TBC1D32: variants seen among roughly 807,000 people sequenced by gnomAD.
TBC1D32 encodes the protein protein broad-minded.
Under a neutral mutation model 170.3 loss-of-function variants are expected in TBC1D32, and 151 were observed. The ratio of observed to expected loss-of-function variants is 0.89; its 90% CI spans 0.78 to 1.01. TBC1D32 has a LOEUF of 1.01. Among genes scored for constraint, TBC1D32 ranks in the 50% least tolerant of loss-of-function variants. TBC1D32 has a pLI of 0.00. For synonymous variants in TBC1D32, 498 were observed against 488.0 expected, an observed-to-expected ratio of 1.02 and a Z score of -0.27; for missense variants, 1,464 against 1,457.1, an observed-to-expected ratio of 1.00 and a Z score of -0.08.
chr6:121,102,391 A>G (rs1388595043), intron 30 of TBC1D32, among the ~76,000 whole-genome samples: 1 of 152,142 alleles, frequency 6.6e-6, no homozygotes, highest in Non-Finnish European at 1.5e-5. Context: ...CAAAACAGAG[A>G]CACAGACCAA....
At chr6:121,186,864 G>A (rs891697995) in intron 22 of TBC1D32, among the ~76,000 whole-genome samples, 4 of 151,986 alleles carry the variant, frequency 2.6e-5, no homozygotes, top group African/African-American at 9.7e-5. Context: ...CTGAAAGAAT[G>A]TTACTGCTAT....
intron 15 of TBC1D32, among the ~76,000 whole-genome samples, chr6:121,271,124 G>A (rs1334917628): frequency 1.3e-5 from 2 of 152,086 alleles, no homozygotes; most frequent in African/African-American, 4.8e-5. Context: ...AAAATAATAA[G>A]AGCTATTTAT....
chr6:121,281,544 C>T lies in TBC1D32; in HGVS notation c.1608G>A (p.Glu536=). ...QPIHNLMKGN[E]ASPNCSETAL... is the part of the protein sequence containing the mutation. ...TTTCTCCTTAGTAAATAATACGAAC[C>T]TCATTTCCTTTCATTAAATTGTGAA... is the stretch of plus-strand genomic sequence containing the variant. The change falls in exon 14 of 32, where the codon GAG becomes GAA. Residue 536 remains glutamate, a splice_region_variant and synonymous_variant. Coordinates refer to ENST00000398212, the MANE Select transcript of TBC1D32 (RefSeq NM_152730.6). 1 of 1,603,306 alleles carries T rather than the reference C, an allele frequency of 6.2e-7. No homozygotes were observed. Among genetic ancestry groups the T allele is most frequent in the East Asian group, 2.3e-5 (1 of 44,156 alleles).
rs760006522 is a variant in TBC1D32 at position 121,090,849 on chromosome 6, TTAC to T, written c.3654+1_3654+3del. The stretch of plus-strand genomic sequence containing the variant: ...CATTTTCCTCTCCATATAAACATAC[TTAC>T]TTTTAGGAAAACTTGCAGATCTTGA... On this transcript the variant is annotated splice_donor_variant and splice_donor_region_variant and intron_variant, in intron 31 of 31. Transcript: ENST00000398212. LOFTEE classifies it high-confidence loss of function. The T allele has an allele frequency of 3.1e-6, 5 of 1,607,838 alleles. No homozygotes were observed. In the Admixed American group the frequency reaches 8.6e-5, roughly 28 times the overall value.
chr6:121,247,039 A>G (rs559994949), intron 17 of TBC1D32, among the ~76,000 whole-genome samples: 1 of 152,228 alleles, frequency 6.6e-6, no homozygotes, highest in South Asian at 2.1e-4. Flanking sequence ...TCTAAAGTCA[A>G]GATGAAGGAC....
At chr6:121,205,634 T>G (rs17644324) in intron 21 of TBC1D32, among the ~76,000 whole-genome samples, 1 of 152,050 alleles carries the variant, frequency 6.6e-6, no homozygotes, top group Non-Finnish European at 1.5e-5. Flanking sequence ...ATCTGCCTCA[T>G]GTAAATCAGT....
Position 121,080,891 on chromosome 6 carries a change from C to G in TBC1D32, c.3655-1G>C, listed in dbSNP as rs1775571066. The G allele has an allele frequency of 6.2e-7, 1 of 1,602,394 alleles. No homozygotes were observed. Among genetic ancestry groups the G allele is most frequent in the African/African-American group, 1.3e-5 (1 of 74,080 alleles). On this transcript the variant is annotated splice_acceptor_variant, in intron 31 of 31. Transcript: ENST00000398212. LOFTEE classifies it high-confidence loss of function. The stretch of plus-strand genomic sequence containing the variant: ...CTCGAAACCCATGCAGTGCTTCTTC[C>G]TGCCAAAAATTACAAAGGGAAAATT...
intron 27 of TBC1D32, among the ~76,000 whole-genome samples, chr6:121,113,536 T>C (rs1779404534): frequency 6.6e-6 from 1 of 152,176 alleles, no homozygotes; most frequent in South Asian, 2.1e-4. Context: ...TGGTCCTAAA[T>C]GGAGGTGGTA....
At chr6:121,143,070 A>AT (rs1244469020) in intron 24 of TBC1D32, among the ~76,000 whole-genome samples, 1 of 152,208 alleles carries the variant, frequency 6.6e-6, no homozygotes, top group Non-Finnish European at 1.5e-5. Context: ...AGTACTAGCT[A>AT]TAACATTAGT....
chr6:121,272,009 C>T (rs145714351), intron 15 of TBC1D32, among the ~76,000 whole-genome samples: 1 of 152,012 alleles, frequency 6.6e-6, no homozygotes, highest in African/African-American at 2.4e-5. Context: ...AATGGGGAAA[C>T]GATTCCCTAT....
chr6:121,085,667 T>A (rs1270696026), intron 31 of TBC1D32, among the ~76,000 whole-genome samples: 1 of 152,014 alleles, frequency 6.6e-6, no homozygotes, highest in Non-Finnish European at 1.5e-5. Flanking sequence ...TTAACAGGTC[T>A]GGGAAGGAAT....
intron 30 of TBC1D32, among the ~76,000 whole-genome samples, chr6:121,098,029 C>A (rs181179570): frequency 4.6e-5 from 7 of 151,292 alleles, no homozygotes; most frequent in Admixed American, 3.3e-4. Flanking sequence ...GGGAACATGA[C>A]AGACTGGGGC....
Position 121,283,808 on chromosome 6 carries a change from A to G in TBC1D32, c.1465+10T>C, listed in dbSNP as rs1437950068. The G allele has an allele frequency of 1.3e-6, 2 of 1,575,606 alleles. No individual in the cohort carries two copies. Among genetic ancestry groups the G allele is most frequent in the East Asian group, 4.5e-5 (2 of 44,432 alleles). ...TTATATTTCTCTATTTAAAATAGAA[A>G]CAGAATTACCTGAATGGGCAGCTGA... On this transcript the variant is annotated intron_variant, in intron 13 of 31. Transcript: ENST00000398212.
intron 31 of TBC1D32, 117 bp downstream of exon 31, chr6:121,090,736 T>G: frequency 1.1e-6 from 1 of 882,500 alleles, no homozygotes; most frequent in East Asian, 2.5e-5. Flanking sequence ...GATAATAGTA[T>G]CTACCTCTCA....
intron 11 of TBC1D32, among the ~76,000 whole-genome samples, chr6:121,292,527 TGTTA>T (rs1324251498): frequency 6.6e-6 from 1 of 152,064 alleles, no homozygotes; most frequent in Non-Finnish European, 1.5e-5. Flanking sequence ...TAATAGAAAA[TGTTA>T]GTTACTGTTT....
At chr6:121,192,972 A>G (rs1217351127) in intron 22 of TBC1D32, among the ~76,000 whole-genome samples, 1 of 152,138 alleles carries the variant, frequency 6.6e-6, no homozygotes, top group African/African-American at 2.4e-5. Context: ...TTCTAGACAT[A>G]TAACTAAAGT....
chr6:121,224,529 G>T (rs1159889716), intron 20 of TBC1D32: 2 of 152,048 alleles, frequency 1.3e-5, no homozygotes, highest in Admixed American at 1.3e-4. Flanking sequence ...GAAAAAAATT[G>T]AGCTCAAGTG....
intron 15 of TBC1D32, among the ~76,000 whole-genome samples, chr6:121,266,826 C>T (rs1167248608): frequency 6.6e-6 from 1 of 152,032 alleles, no homozygotes; most frequent in Non-Finnish European, 1.5e-5. Context: ...AAACCAAATA[C>T]CACATGTTCT....
intron 22 of TBC1D32, among the ~76,000 whole-genome samples, chr6:121,197,337 A>G (rs111734248): frequency 0.019 from 2,893 of 152,268 alleles, 105 homozygotes; most frequent in African/African-American, 0.066. Context: ...TTCACCAAGA[A>G]AAAAACCATG....
Sources: allele counts gnomAD v4.1 joint callset (sites outside exome capture counted in the v4.1 genomes callset), GRCh38; gene constraint gnomAD v4.1.1; transcripts MANE v1.5; gene names NCBI Gene and HGNC (gene_info 2026-07-23, HGNC 2026-07-21).